MAGI3: variants seen among roughly 807,000 people sequenced by gnomAD.
The protein encoded by MAGI3 is membrane associated guanylate kinase, WW and PDZ domain containing 3, also known as membrane-associated guanylate kinase, WW and PDZ domain-containing protein 3.
Under a neutral mutation model 121.8 loss-of-function variants are expected in MAGI3, and 43 were observed. The observed-to-expected ratio is 0.35, with a 90% confidence interval of 0.28 to 0.46. MAGI3 has a LOEUF of 0.46. MAGI3 is among the 20% of genes least tolerant of loss of function. The pLI, the probability that MAGI3 is intolerant of heterozygous loss-of-function variation, is 1.00. For missense variants in MAGI3, 1,547 were observed against 1,797.3 expected (o/e 0.86, Z 2.52); for synonymous variants, 553 against 639.3 (o/e 0.86, Z 2.04).
At chr1:113,620,267 G>T (rs1650740190) in intron 8 of MAGI3, among the ~76,000 whole-genome samples, 3 of 152,110 alleles carry the variant, frequency 2.0e-5, no homozygotes, top group Admixed American at 2.0e-4. Flanking sequence ...ACATCATTGA[G>T]TCTCAAATGG....
At chr1:113,549,452 T>G in intron 1 of MAGI3, 63 bp from the exon 2 acceptor site, 1 of 875,242 alleles carries the variant, frequency 1.1e-6, no homozygotes, top group South Asian at 1.6e-5. Flanking sequence ...AGCTTCTATA[T>G]TTAAGTGAAC....
intron 1 of MAGI3, chr1:113,450,128 A>G (rs1046982375): frequency 1.1e-5 from 16 of 1,475,080 alleles, no homozygotes; most frequent in Non-Finnish European, 1.5e-5. Context: ...AGAGTGGGAA[A>G]AAGAGGATTT....
chr1:113,527,610 G>A (rs1658514703), intron 1 of MAGI3, among the ~76,000 whole-genome samples: 1 of 152,180 alleles, frequency 6.6e-6, no homozygotes, highest in African/African-American at 2.4e-5. Flanking sequence ...ATATTGAGGT[G>A]AGTAAAATGG....
intron 1 of MAGI3, among the ~76,000 whole-genome samples, chr1:113,435,969 T>C (rs915059182): frequency 1.3e-5 from 2 of 152,164 alleles, no homozygotes; most frequent in African/African-American, 4.8e-5. Flanking sequence ...TTGTGTCATA[T>C]ATTGTTGCAG....
chr1:113,547,508 A>G (rs1235873677), intron 1 of MAGI3, among the ~76,000 whole-genome samples: 2 of 152,184 alleles, frequency 1.3e-5, no homozygotes, highest in Non-Finnish European at 2.9e-5. Context: ...CCCTAACCAA[A>G]CTTCCCCAAA....
chr1:113,643,670 G>T, intron 10 of MAGI3, 73 bp from the exon 11 acceptor site: 1 of 1,423,856 alleles, frequency 7.0e-7, no homozygotes, highest in Non-Finnish European at 9.9e-7. Context: ...TAGTTTTATC[G>T]TAAACATTAG....
rs573289747 is a variant in MAGI3 at position 113,601,241 on chromosome 1, A to G, written c.1018+6681A>G. Among the ~76,000 whole-genome samples the G allele has an allele frequency of 9.8e-5, 15 of 152,288 alleles. No individual in the cohort carries two copies. The East Asian group carries it at 2.9e-3, about 29-fold the overall frequency. On this transcript the variant is annotated intron_variant, in intron 6 of 20. Coordinates refer to ENST00000307546, the MANE Select transcript of MAGI3 (RefSeq NM_001142782.2). ...CAAATGGGATCTAATTAAACTAAAG[A>G]GCTTCTGCACAGCAAAAGAAACTAC...
At chr1:113,414,511 T>A (rs1272578224) in intron 1 of MAGI3, among the ~76,000 whole-genome samples, 2 of 151,882 alleles carry the variant, frequency 1.3e-5, no homozygotes, top group Admixed American at 1.3e-4. Context: ...TGGTCCTGGA[T>A]TTTTTTTGTT....
intron 4 of MAGI3, among the ~76,000 whole-genome samples, chr1:113,588,310 G>A (rs1322909745): frequency 6.6e-6 from 1 of 152,186 alleles, no homozygotes; most frequent in African/African-American, 2.4e-5. Flanking sequence ...TCAGGCAATA[G>A]CAAGGAAACC....
Position 113,683,499 on chromosome 1 carries a change from G to A in MAGI3, c.3931G>A (p.Gly1311Ser). 2 of 1,613,896 alleles carry A rather than the reference G, an allele frequency of 1.2e-6. No homozygotes were observed. ...PSNAEAKLLE[G>S]KSRRIAGYTG... is the part of the protein sequence containing the mutation. ...AAATGCTGAGGCCAAATTATTAGAG[G>A]GTAAGAGTCGAAGAATAGCAGGCTA... The change falls in exon 21 of 21, where the codon GGT becomes AGT. Residue 1311 changes from glycine to serine, a missense_variant. Gly to Ser is a moderately conservative substitution (Grantham distance 56). Coordinates refer to ENST00000307546, the MANE Select transcript of MAGI3 (RefSeq NM_001142782.2).
At chr1:113,461,071 A>G (rs1655009529) in intron 1 of MAGI3, among the ~76,000 whole-genome samples, 1 of 152,150 alleles carries the variant, frequency 6.6e-6, no homozygotes, top group South Asian at 2.1e-4. Flanking sequence ...CACTCCTCAA[A>G]TAAATCAGAG....
At chr1:113,579,779 G>T (rs576975177) in intron 2 of MAGI3, among the ~76,000 whole-genome samples, 2 of 152,230 alleles carry the variant, frequency 1.3e-5, no homozygotes, top group Admixed American at 6.6e-5. Context: ...AGCCCAAGAC[G>T]ACTGACTCTC....
intron 15 of MAGI3, among the ~76,000 whole-genome samples, chr1:113,656,919 T>C (rs889431014): frequency 2.6e-5 from 4 of 152,182 alleles, no homozygotes; most frequent in Admixed American, 2.0e-4. Context: ...AGGCCTCTAT[T>C]TAAGATTAAG....
At chr1:113,421,788 G>A (rs971397802) in intron 1 of MAGI3, among the ~76,000 whole-genome samples, 5 of 152,044 alleles carry the variant, frequency 3.3e-5, no homozygotes, top group Admixed American at 2.0e-4. Flanking sequence ...AATTACTTCT[G>A]TATTTGCTTT....
In MAGI3 at chr1:113,683,813, T is replaced by C. The variant is rs1050368497; in HGVS notation, c.4245T>C (p.Pro1415=). ...QLSEKRLKQE[P]EEKVVSNKTE... The stretch of plus-strand genomic sequence containing the variant: ...CAGAAAAGAGGCTGAAGCAAGAACC[T>C]GAAGAGAAGGTAGTTTCAAACAAAA... Residue 1415 remains proline, a synonymous_variant, in exon 21 of 21, where the codon CCT becomes CCC. Transcript: ENST00000307546. The C allele has an allele frequency of 1.2e-6, 2 of 1,610,476 alleles. No homozygotes were observed. The highest frequency in any genetic ancestry group is 1.7e-5 in the Admixed American group (1 of 59,508).
chr1:113,619,665 A>G (rs1650700117), intron 7 of MAGI3, 71 bp from the exon 8 acceptor site: 5 of 1,023,902 alleles, frequency 4.9e-6, no homozygotes, highest in South Asian at 4.1e-5. Context: ...ATGGAATGGT[A>G]TGATAGACTA....
chr1:113,586,894 T>G (rs186796227), intron 4 of MAGI3, among the ~76,000 whole-genome samples: 55 of 152,358 alleles, frequency 3.6e-4, no homozygotes, highest in Admixed American at 1.4e-3. Context: ...ATGCTTCATG[T>G]AAGTCACTTG....
rs1312777751 is a variant in MAGI3 at position 113,422,776 on chromosome 1, C to CG, written c.316+31433dup. Among the ~76,000 whole-genome samples, 1 of 152,092 alleles carries CG rather than the reference C, an allele frequency of 6.6e-6. No individual in the cohort carries two copies. Among genetic ancestry groups the CG allele is most frequent in the Non-Finnish European group, 1.5e-5 (1 of 67,986 alleles). On this transcript the variant is annotated intron_variant, in intron 1 of 20. Coordinates refer to ENST00000307546, the MANE Select transcript of MAGI3 (RefSeq NM_001142782.2). The surrounding 1 kb of genome is among the most constrained non-coding windows in gnomAD (Gnocchi z 4.3). ...TGTGGCGAGTGGGGGAGGCATGTTT[C>CG]GGGGGGCATGTTTTGGCCCAATTGT... is the stretch of plus-strand genomic sequence containing the variant.
chr1:113,515,389 C>T (rs1057241752), intron 1 of MAGI3, among the ~76,000 whole-genome samples: 2 of 152,028 alleles, frequency 1.3e-5, no homozygotes, highest in African/African-American at 4.8e-5. Context: ...TTTACTATCT[C>T]TTCTCAAATG....
Sources: allele counts gnomAD v4.1 joint callset (sites outside exome capture counted in the v4.1 genomes callset), GRCh38; gene constraint gnomAD v4.1.1; non-coding constraint Gnocchi (gnomAD v3.1); transcripts MANE v1.5; gene names NCBI Gene and HGNC (gene_info 2026-07-23, HGNC 2026-07-21).